Variants in IQSEC1 observed in about 807,000 individuals in gnomAD.
IQSEC1 encodes IQ motif and Sec7 domain ArfGEF 1, also known as IQ motif and SEC7 domain-containing protein 1.
IQSEC1 carries 31 observed loss-of-function variants against 91.0 expected under a neutral mutation model. The ratio of observed to expected loss-of-function variants is 0.34; its 90% CI spans 0.26 to 0.46. IQSEC1 has a LOEUF of 0.46. Ranked by LOEUF, IQSEC1 falls within the 20% of genes least tolerant of loss-of-function variation. The pLI is 1.00. For missense variants in IQSEC1, 1,388 were observed against 1,575.6 expected (o/e 0.88, Z 2.02); for synonymous variants, 699 against 662.6 (o/e 1.05, Z -0.84).
At chr3:13,234,081 C>T (rs1694879560) in intron 1 of IQSEC1, among the ~76,000 whole-genome samples, 1 of 152,248 alleles carries the variant, frequency 6.6e-6, no homozygotes, top group Admixed American at 6.5e-5. Context: ...TCCCCTAGCT[C>T]TCCAATGCTG....
At chr3:13,110,923 C>G (rs529047814) in intron 2 of IQSEC1, among the ~76,000 whole-genome samples, 2 of 152,140 alleles carry the variant, frequency 1.3e-5, no homozygotes, top group African/African-American at 4.8e-5. Flanking sequence ...TAAACAATGA[C>G]GATGCCTGGG....
At chr3:12,976,334 G>T (rs1266384196) in intron 1 of IQSEC1, among the ~76,000 whole-genome samples, 1 of 152,240 alleles carries the variant, frequency 6.6e-6, no homozygotes, top group Non-Finnish European at 1.5e-5. Flanking sequence ...TGGGGTCACA[G>T]TGGGGAAGCG....
chr3:13,033,692 G>C (rs1172962545), intron 1 of IQSEC1, among the ~76,000 whole-genome samples: 4 of 152,162 alleles, frequency 2.6e-5, no homozygotes, highest in Non-Finnish European at 5.9e-5. Context: ...TTCAATCTGA[G>C]TCTGAAGGCA....
intron 1 of IQSEC1, among the ~76,000 whole-genome samples, chr3:13,264,685 A>T (rs1304328960): frequency 6.6e-6 from 1 of 151,950 alleles, no homozygotes; most frequent in Admixed American, 6.6e-5. Flanking sequence ...TGGGTGAACG[A>T]ATCAATCACT....
intron 2 of IQSEC1, among the ~76,000 whole-genome samples, chr3:13,159,715 G>C (rs1386699709): frequency 6.6e-6 from 1 of 152,158 alleles, no homozygotes; most frequent in Non-Finnish European, 1.5e-5. Context: ...CACCCACAGT[G>C]AGAACTCATT....
chr3:13,275,130 T>G (rs969150324), intron 1 of IQSEC1, among the ~76,000 whole-genome samples: 3 of 152,194 alleles, frequency 2.0e-5, no homozygotes, highest in African/African-American at 7.2e-5. Context: ...ATGAGGACAG[T>G]TCACACTTGT....
intron 2 of IQSEC1, among the ~76,000 whole-genome samples, chr3:13,139,408 C>A (rs1706763543): frequency 6.6e-6 from 1 of 152,206 alleles, no homozygotes; most frequent in South Asian, 2.1e-4. Context: ...CTAGGAAGAT[C>A]CGGCATGTTC....
chr3:12,960,907 T>G (rs1403368056), intron 1 of IQSEC1, among the ~76,000 whole-genome samples: 1 of 152,216 alleles, frequency 6.6e-6, no homozygotes, highest in Non-Finnish European at 1.5e-5. Context: ...CCTCCATTGT[T>G]CCCATTTGAC....
At chr3:13,242,528 C>T (rs1200153081) in intron 1 of IQSEC1, among the ~76,000 whole-genome samples, 2 of 152,234 alleles carry the variant, frequency 1.3e-5, no homozygotes, top group Non-Finnish European at 2.9e-5. Context: ...AGGCCTTCCA[C>T]TAGCTGCACA....
intron 1 of IQSEC1, among the ~76,000 whole-genome samples, chr3:13,007,826 C>T (rs9853668): frequency 0.016 from 2,418 of 152,250 alleles, 72 homozygotes; most frequent in African/African-American, 0.055. Flanking sequence ...CCCAGCCATC[C>T]CTCCCTGTCT....
chr3:12,909,164 T>C lies in IQSEC1; in HGVS notation c.2578+109A>G. The C allele has an allele frequency of 2.5e-6, 3 of 1,182,156 alleles. No individual in the cohort carries two copies. The South Asian group carries it at 4.2e-5, about 17-fold the overall frequency. The allele number at this position is 1,182,156 out of a possible 1,614,324, so 73.2% of individuals were successfully genotyped here. On this transcript the variant is annotated intron_variant, in intron 11 of 13. Coordinates refer to ENST00000613206, the MANE Select transcript of IQSEC1 (RefSeq NM_001134382.3). The surrounding 1 kb of genome is among the most constrained non-coding windows in gnomAD (Gnocchi z 4.9). ...GGCCATAGGGAAGGCCAGAAAAGAC[T>C]GGGGGACATCTTGTCTCTGTGAGCT...
At position 13,104,026 on chromosome 3, in the gene IQSEC1, C is replaced by T. The variant is rs557639512; in HGVS notation, c.303-56504G>A. 4.6e-5 allele frequency among the ~76,000 whole-genome samples: 7 copies of T among 152,274 alleles called. No individual in the cohort carries two copies. The South Asian group carries it at 1.5e-3, about 32-fold the overall frequency. On this transcript the variant is annotated intron_variant, in intron 2 of 15. Coordinates refer to the IQSEC1 transcript ENST00000648114. ...AGTTTCAATGACTTGCCCAAGGTCA[C>T]ACAACTAGTTAGTCATGGAGCTGAG...
chr3:13,111,219 T>G (rs1706239406), intron 2 of IQSEC1, among the ~76,000 whole-genome samples: 1 of 152,212 alleles, frequency 6.6e-6, no homozygotes, highest in Admixed American at 6.5e-5. Context: ...ACCTCCCCAG[T>G]GTGCCCAGGG....
In IQSEC1 at chr3:12,936,002, C is replaced by T. The variant is rs1401527926; in HGVS notation, c.1014G>A (p.Lys338=). 1.9e-6 allele frequency: 3 copies of T among 1,600,422 alleles called. No homozygotes were observed. Among genetic ancestry groups the T allele is most frequent in the Non-Finnish European group, 2.5e-6 (3 of 1,179,778 alleles). The change falls in exon 3 of 14, where the codon AAG becomes AAA. Residue 338 remains lysine (K), a synonymous_variant. Transcript: ENST00000613206. The part of the protein sequence containing the change: ...DYWALAHKED[K]ADTDTSCRST... The stretch of plus-strand genomic sequence containing the variant: ...TCCGGCAGCTCGTGTCCGTGTCAGC[C>T]TTGTCCTCTTTGTGGGCCAGGGCCC...
chr3:13,151,678 C>T (rs1576273170), intron 2 of IQSEC1, among the ~76,000 whole-genome samples: 1 of 152,204 alleles, frequency 6.6e-6, no homozygotes, highest in Non-Finnish European at 1.5e-5. Context: ...AGAAAGAGTT[C>T]TCTTCAGCCG....
intron 2 of IQSEC1, among the ~76,000 whole-genome samples, chr3:13,096,200 G>A (rs528409794): frequency 1.2e-4 from 18 of 152,308 alleles, no homozygotes; most frequent in African/African-American, 4.3e-4. Context: ...CACGTATTGA[G>A]CACCTAGTGT....
chr3:13,280,142 G>C (rs1695762383), intron 1 of IQSEC1, among the ~76,000 whole-genome samples: 1 of 152,258 alleles, frequency 6.6e-6, no homozygotes, highest in African/African-American at 2.4e-5. Flanking sequence ...ACGAGGGGTA[G>C]TATGACTTGT....
At chr3:12,907,823 G>A (rs907684967) in intron 12 of IQSEC1, among the ~76,000 whole-genome samples, 1 of 152,240 alleles carries the variant, frequency 6.6e-6, no homozygotes, top group Non-Finnish European at 1.5e-5. Context: ...CCCGGACCCC[G>A]GAGCCAGCCC....
chr3:13,266,486 C>T (rs572430235), intron 1 of IQSEC1, among the ~76,000 whole-genome samples: 3 of 152,216 alleles, frequency 2.0e-5, no homozygotes, highest in Non-Finnish European at 2.9e-5. Flanking sequence ...CCAGACCCTG[C>T]GCAGGGACTT....
Sources: allele counts gnomAD v4.1 joint callset (sites outside exome capture counted in the v4.1 genomes callset), GRCh38; gene constraint gnomAD v4.1.1; non-coding constraint Gnocchi (gnomAD v3.1); transcripts MANE v1.5; gene names NCBI Gene and HGNC (gene_info 2026-07-23, HGNC 2026-07-21).